The following CBL variants were observed in gnomAD, a reference collection of about 807,000 sequenced individuals.
CBL encodes the protein Cbl proto-oncogene.
Under a neutral mutation model 96.9 loss-of-function variants are expected in CBL, and 45 were observed. The ratio of observed to expected loss-of-function variants is 0.46; its 90% CI spans 0.37 to 0.60. The LOEUF is 0.60. Ranked by LOEUF, CBL falls within the 20% of genes least tolerant of loss-of-function variation. CBL has a pLI of 0.00. For synonymous variants in CBL, 420 were observed against 426.8 expected (o/e 0.98, Z 0.20); for missense variants, 1,024 against 1,143.5 (o/e 0.90, Z 1.51).
chr11:119,225,918 G>A lies in CBL; in HGVS notation c.196-6530G>A, dbSNP rs546829546. On this transcript the variant is annotated intron_variant, in intron 1 of 15. Coordinates refer to ENST00000264033, the MANE Select transcript of CBL (RefSeq NM_005188.4). ...AATTTTTTGTGTTTTTAGTAGAGAC[G>A]GGGTTTCACCATGTCGGCCAGGCTG... Among the ~76,000 whole-genome samples the A allele has an allele frequency of 2.9e-4, 44 of 151,896 alleles. 1 individual carries two copies. Among genetic ancestry groups the A allele is most frequent in the Non-Finnish European group, 5.9e-5 (4 of 67,936 alleles).
intron 2 of CBL, among the ~76,000 whole-genome samples, chr11:119,237,439 G>T (rs1160576119): frequency 6.6e-6 from 1 of 152,074 alleles, no homozygotes; most frequent in Non-Finnish European, 1.5e-5. Flanking sequence ...TATTTATTTG[G>T]TTTTTGTACT....
rs1949998530 is a variant in CBL at position 119,288,123 on chromosome 11, T to C, written c.2036+177T>C. 2.6e-5 allele frequency among the ~76,000 whole-genome samples: 4 copies of C among 152,246 alleles called. No individual in the cohort carries two copies. In the South Asian group the frequency reaches 8.3e-4, roughly 32 times the overall value. ...TTCCTTCTTTTCCTTTTTCTGCATA[T>C]GTGTACCTAGATCTGTTTTGCTGGG... On this transcript the variant is annotated intron_variant, in intron 12 of 15. Transcript: ENST00000264033.
At chr11:119,270,770 AG>A (rs1303692839) in intron 2 of CBL, among the ~76,000 whole-genome samples, 1 of 151,980 alleles carries the variant, frequency 6.6e-6, no homozygotes, top group Non-Finnish European at 1.5e-5. Flanking sequence ...TAGTAGAGAC[AG>A]GGTTTCGCCA....
At chr11:119,257,569 A>G (rs1283966808) in intron 2 of CBL, among the ~76,000 whole-genome samples, 1 of 151,708 alleles carries the variant, frequency 6.6e-6, no homozygotes, top group Admixed American at 6.6e-5. Flanking sequence ...GGTTCCATTT[A>G]TTTTTGTTTT....
intron 1 of CBL, among the ~76,000 whole-genome samples, chr11:119,212,321 G>A (rs1440908966): frequency 2.6e-5 from 4 of 151,838 alleles, no homozygotes; most frequent in Non-Finnish European, 5.9e-5. Flanking sequence ...ACATTTTTTT[G>A]AATTAAAAAA....
intron 2 of CBL, among the ~76,000 whole-genome samples, chr11:119,253,915 T>C (rs1047600590): frequency 3.1e-4 from 47 of 151,180 alleles, no homozygotes; most frequent in Admixed American, 9.9e-4. Context: ...CCCAGCACTT[T>C]TGGAGACTGA....
At chr11:119,257,437 C>T (rs945519309) in intron 2 of CBL, among the ~76,000 whole-genome samples, 50 of 152,222 alleles carry the variant, frequency 3.3e-4, no homozygotes, top group African/African-American at 1.1e-3. Context: ...ATGTTGTTTG[C>T]CCACTTTTTG....
intron 2 of CBL, among the ~76,000 whole-genome samples, chr11:119,236,591 T>C (rs1268215079): frequency 8.1e-5 from 9 of 111,048 alleles, no homozygotes; most frequent in African/African-American, 3.5e-4. Context: ...TTCACTTCTT[T>C]TGAGTATATA....
intron 2 of CBL, among the ~76,000 whole-genome samples, chr11:119,268,052 A>G (rs1157398632): frequency 1.3e-5 from 2 of 152,252 alleles, no homozygotes; most frequent in Non-Finnish European, 2.9e-5. Flanking sequence ...TGGTTTGGCT[A>G]GAACATACTA....
chr11:119,292,431 CTTT>C (rs1950034130), intron 12 of CBL, among the ~76,000 whole-genome samples: 1 of 104,264 alleles, frequency 9.6e-6, no homozygotes, highest in Admixed American at 9.7e-5. Flanking sequence ...TTTTTCTTTT[CTTT>C]TTTTGAGGTG....
At chr11:119,251,990 T>C (rs1442203057) in intron 2 of CBL, among the ~76,000 whole-genome samples, 2 of 152,242 alleles carry the variant, frequency 1.3e-5, no homozygotes, top group Middle Eastern at 3.2e-3. Context: ...CTGCTAGAGA[T>C]ACCTAGTAGT....
At chr11:119,259,896 C>T (rs1308046110) in intron 2 of CBL, among the ~76,000 whole-genome samples, 2 of 152,184 alleles carry the variant, frequency 1.3e-5, no homozygotes, top group African/African-American at 4.8e-5. Flanking sequence ...TTGTATCCTT[C>T]CGATTCTATC....
intron 11 of CBL, among the ~76,000 whole-genome samples, chr11:119,286,941 G>C (rs1183210018): frequency 6.6e-6 from 1 of 152,188 alleles, no homozygotes; most frequent in African/African-American, 2.4e-5. Flanking sequence ...AGGGTATAGA[G>C]AAAGCTGGCA....
At chr11:119,282,779 C>T (rs1434198293) in intron 9 of CBL, among the ~76,000 whole-genome samples, 3 of 152,048 alleles carry the variant, frequency 2.0e-5, no homozygotes, top group Non-Finnish European at 4.4e-5. Context: ...GGGAAGTTCA[C>T]TAGGTTGTTT....
chr11:119,258,330 T>C (rs1949727052), intron 2 of CBL, among the ~76,000 whole-genome samples: 1 of 152,138 alleles, frequency 6.6e-6, no homozygotes, highest in Non-Finnish European at 1.5e-5. Context: ...GGAAGCATAG[T>C]GGCTTCTGCT....
intron 12 of CBL, among the ~76,000 whole-genome samples, chr11:119,289,230 GA>G (rs1220268994): frequency 1.3e-5 from 2 of 152,130 alleles, no homozygotes; most frequent in Non-Finnish European, 2.9e-5. Flanking sequence ...TATCTCCCTA[GA>G]ATCTTTTTTA....
chr11:119,283,415 G>A (rs557301357), intron 9 of CBL, among the ~76,000 whole-genome samples: 2 of 151,878 alleles, frequency 1.3e-5, no homozygotes, highest in Non-Finnish European at 2.9e-5. Context: ...TTGCTTTGCT[G>A]TTGGGGAATT....
Position 119,206,551 on chromosome 11 carries a change from C to A in CBL, c.134C>A (p.Pro45His). 1 of 1,550,746 alleles carries A rather than the reference C, an allele frequency of 6.4e-7. No homozygotes were observed. ...PHHHHHHHLS[P>H]HPPGTVDKKM... ...CACCACCACCACCACCACCTCAGCC[C>A]CCACCCGCCGGGGACGGTGGACAAG... Residue 45 changes from proline (P) to histidine (H), a missense_variant, in exon 1 of 16, where the codon CCC (proline) becomes CAC (histidine). Physicochemically the swap from Pro to His is moderately conservative, Grantham distance 77. Transcript: ENST00000264033.
In CBL at chr11:119,232,798, A is replaced by C. The variant is rs1336555278; in HGVS notation, c.443+103A>C. On this transcript the variant is annotated intron_variant, in intron 2 of 15. Transcript: ENST00000264033. ...TGGTTTTAATTTTATGTTAGTAGGA[A>C]TGGAAAGTTGACATTTGATTTAAAG... 4.3e-6 allele frequency: 5 copies of C among 1,150,840 alleles called. No homozygotes were observed. The Admixed American group carries it at 8.8e-5, about 20-fold the overall frequency. 71.3% of individuals were successfully genotyped at this position (1,150,840 alleles called of 1,614,324 possible). A position where few individuals can be genotyped will look rare whatever the true frequency, so the allele number is the denominator to read the frequency against.
Sources: allele counts gnomAD v4.1 joint callset (sites outside exome capture counted in the v4.1 genomes callset), GRCh38; gene constraint gnomAD v4.1.1; transcripts MANE v1.5; gene names NCBI Gene and HGNC (gene_info 2026-07-23, HGNC 2026-07-21).